The following TTYH3 variants were observed in gnomAD, a reference collection of about 807,000 sequenced individuals.
The protein encoded by TTYH3 is tweety family member 3, also known as protein tweety homolog 3.
In TTYH3, 23 loss-of-function variants were observed where a neutral mutation model predicts 68.2. The observed-to-expected ratio is 0.34, with a 90% confidence interval of 0.24 to 0.48. The LOEUF (loss-of-function observed/expected upper bound fraction) is 0.48, where lower values mean the gene tolerates loss of function less well. Ranked by LOEUF, TTYH3 falls within the 20% of genes least tolerant of loss-of-function variation. The pLI, the probability that TTYH3 is intolerant of heterozygous loss-of-function variation, is 0.99. For synonymous variants in TTYH3, 360 were observed against 332.8 expected (o/e 1.08, Z -0.89); for missense variants, 768 against 727.7 (o/e 1.06, Z -0.64).
Position 2,661,734 on chromosome 7 carries a change from C to T in TTYH3, c.1567C>T (p.His523Tyr), listed in dbSNP as rs767331346. 5.0e-6 allele frequency: 8 copies of T among 1,610,936 alleles called. No individual in the cohort carries two copies. Among genetic ancestry groups the T allele is most frequent in the African/African-American group, 2.7e-5 (2 of 74,868 alleles). Residue 523 changes from histidine to tyrosine, a missense_variant, in exon 14 of 14, where the codon CAC (histidine) becomes TAC (tyrosine). Coordinates refer to ENST00000258796, the MANE Select transcript of TTYH3 (RefSeq NM_025250.3). ...SQPRPDSSGSH is the reference protein window; with the variant it reads ...SQPRPDSSGSY ...GCCTCGCCCTGACTCCAGCGGCAGC[C>T]ACTAGACCGCGCCCGGCAGCCACCC...
At position 2,647,517 on chromosome 7, in the gene TTYH3, C is replaced by T. The variant is rs763761862; in HGVS notation, c.505C>T (p.Gln169Ter). The T allele has an allele frequency of 6.5e-7, 1 of 1,547,176 alleles. No individual in the cohort carries two copies. Among genetic ancestry groups the T allele is most frequent in the Non-Finnish European group, 8.7e-7 (1 of 1,147,542 alleles). The change falls in exon 4 of 14, where the codon CAG becomes TAG. Residue 169 changes from glutamine to a stop codon, truncating the protein, a stop_gained. Transcript: ENST00000258796. LOFTEE classifies it high-confidence loss of function. ...AGRPEPLRAVQRLQGLLETLL... is the reference protein window; with the variant it reads ...AGRPEPLRAV ...GCGGCCCGAGCCCCTGCGAGCCGTA[C>T]AGAGGCTGCAGGGCCTGCTGGAGAC... is the stretch of plus-strand genomic sequence containing the variant.
At chr7:2,656,258 TG>T in intron 10 of TTYH3, 74 bp downstream of exon 10, 1 of 1,559,116 alleles carries the variant, frequency 6.4e-7, no homozygotes. Context: ...TTCGGGAGGA[TG>T]GGGACCCTCA....
At chr7:2,638,883 TA>T (rs2044634183) in intron 1 of TTYH3, among the ~76,000 whole-genome samples, 1 of 151,986 alleles carries the variant, frequency 6.6e-6, no homozygotes, top group Admixed American at 6.5e-5. Flanking sequence ...GAGGCAAAGG[TA>T]GGGGGACCCA....
chr7:2,650,230 A>G (rs12154508), intron 7 of TTYH3, among the ~76,000 whole-genome samples: 2 of 152,136 alleles, frequency 1.3e-5, no homozygotes, highest in Non-Finnish European at 2.9e-5. Flanking sequence ...GCGGCAGGTG[A>G]CCCAGGGCTG....
intron 9 of TTYH3, among the ~76,000 whole-genome samples, chr7:2,655,715 G>T (rs985153846): frequency 6.6e-6 from 1 of 152,246 alleles, no homozygotes; most frequent in African/African-American, 2.4e-5. Context: ...CTCTTCCCTT[G>T]TCTTTAGCTG....
intron 9 of TTYH3, among the ~76,000 whole-genome samples, chr7:2,655,285 A>G (rs1786302228): frequency 1.3e-5 from 2 of 152,120 alleles, no homozygotes; most frequent in Non-Finnish European, 2.9e-5. Flanking sequence ...AGCTGGGACT[A>G]CAGGCGCGTG....
At chr7:2,640,741 G>A (rs1011208542) in intron 1 of TTYH3, among the ~76,000 whole-genome samples, 11 of 152,130 alleles carry the variant, frequency 7.2e-5, no homozygotes, top group Non-Finnish European at 8.8e-5. Flanking sequence ...CGCGGCAGGC[G>A]TGGGGCACAG....
chr7:2,637,197 C>A (rs1785701649), intron 1 of TTYH3, among the ~76,000 whole-genome samples: 1 of 1,118 alleles, frequency 8.9e-4, no homozygotes. Flanking sequence ...CTCCCCTGAC[C>A]CCTGGGCAGG....
chr7:2,638,688 G>A (rs1270223504), intron 1 of TTYH3, among the ~76,000 whole-genome samples: 9 of 152,216 alleles, frequency 5.9e-5, no homozygotes, highest in Non-Finnish European at 5.9e-5. Flanking sequence ...GTCATGGAAT[G>A]CGTGAAACCC....
rs1786417452 is a variant in TTYH3, at chr7:2,659,012, C to G, written c.1497C>G (p.Pro499=). The G allele has an allele frequency of 6.2e-7, 1 of 1,613,766 alleles. No individual in the cohort carries two copies. The highest frequency in any genetic ancestry group is 1.3e-5 in the African/African-American group (1 of 74,938). The change falls in exon 13 of 14, where the codon CCC becomes CCG. Residue 499 remains proline (P), a synonymous_variant. Transcript: ENST00000258796. ...TPLIGRESPP[P]SYTSSMRAKY... Reference sequence around the variant, plus strand: ...TCATTGGGCGCGAGTCCCCGCCGCCCTCAGTAAGTCTTGGGGCAGGAGGGT... The same window carrying G: ...TCATTGGGCGCGAGTCCCCGCCGCCGTCAGTAAGTCTTGGGGCAGGAGGGT...
intron 1 of TTYH3, among the ~76,000 whole-genome samples, chr7:2,633,566 T>C (rs1258793850): frequency 6.6e-6 from 1 of 152,208 alleles, no homozygotes; most frequent in African/African-American, 2.4e-5. Flanking sequence ...ACGCCTGCGT[T>C]CTAGAAGCCC....
At chr7:2,642,751 T>C (rs1562709863) in intron 1 of TTYH3, among the ~76,000 whole-genome samples, 2 of 147,906 alleles carry the variant, frequency 1.4e-5, no homozygotes, top group Non-Finnish European at 1.5e-5. Context: ...TTCTTTTCTT[T>C]TTTTTTTTTT....
chr7:2,636,273 C>T (rs1250852502), intron 1 of TTYH3, among the ~76,000 whole-genome samples: 3 of 152,220 alleles, frequency 2.0e-5, no homozygotes, highest in Non-Finnish European at 2.9e-5. Flanking sequence ...CTGGTTAAAA[C>T]GGCAGTGTTG....
At chr7:2,661,225 G>T (rs2115001245) in intron 13 of TTYH3, among the ~76,000 whole-genome samples, 1 of 152,324 alleles carries the variant, frequency 6.6e-6, no homozygotes, top group South Asian at 2.1e-4. Flanking sequence ...ACCCGGCCCT[G>T]AGCCCGGAGG....
At chr7:2,634,371 T>A (rs564370718) in intron 1 of TTYH3, among the ~76,000 whole-genome samples, 1 of 152,222 alleles carries the variant, frequency 6.6e-6, no homozygotes, top group South Asian at 2.1e-4. Flanking sequence ...CCTGGGAGAA[T>A]GGGCAGTGGG....
intron 1 of TTYH3, among the ~76,000 whole-genome samples, chr7:2,641,056 G>A (rs978114259): frequency 6.6e-6 from 1 of 152,196 alleles, no homozygotes; most frequent in Admixed American, 6.5e-5. Flanking sequence ...CAGGCCCAGG[G>A]ACAGCATATG....
At chr7:2,651,531 G>A (rs920884256) in intron 7 of TTYH3, among the ~76,000 whole-genome samples, 1 of 152,102 alleles carries the variant, frequency 6.6e-6, no homozygotes, top group African/African-American at 2.4e-5. Flanking sequence ...TGTAGCCGGC[G>A]GCCTTTGGGG....
intron 6 of TTYH3, 41 bp from the exon 7 acceptor site, chr7:2,649,872 C>T (rs372741439): frequency 5.0e-5 from 80 of 1,610,478 alleles, no homozygotes; most frequent in Non-Finnish European, 6.7e-5. Flanking sequence ...CCTTTAGGCC[C>T]AGCTTGGTCA....
At chr7:2,638,340 C>G (rs1400861221) in intron 1 of TTYH3, among the ~76,000 whole-genome samples, 2 of 151,040 alleles carry the variant, frequency 1.3e-5, no homozygotes, top group South Asian at 2.1e-4. Context: ...TCTTTGGTGT[C>G]TGTTCCTTGC....
Sources: gnomAD v4.1 joint callset for allele counts (sites outside exome capture counted in the v4.1 genomes callset) on GRCh38, gnomAD v4.1.1 for gene constraint, MANE v1.5 for transcripts, NCBI Gene and HGNC (gene_info 2026-07-23, HGNC 2026-07-21) for gene names.